The following WHR1 variants were observed in gnomAD, a reference collection of about 807,000 sequenced individuals.
WHR1 encodes the protein winged helix repair factor 1.
At chr6:31,980,479 G>C in the WHR1 span, 64 of 1,612,992 alleles carry the variant, frequency 4.0e-5, no homozygotes, top group Admixed American at 2.2e-4. Flanking sequence ...AGTCCTCACC[G>C]TCCGAGATGC....
chr6:31,977,484 G>T, the WHR1 span, among the ~76,000 whole-genome samples: 1 of 151,804 alleles, frequency 6.6e-6, no homozygotes, highest in Non-Finnish European at 1.5e-5. Context: ...TGGGACTACA[G>T]GTGCCCGCCA....
chr6:31,975,201 C>CTTTTTT, the WHR1 span, among the ~76,000 whole-genome samples: 1 of 136,926 alleles, frequency 7.3e-6, no homozygotes, highest in East Asian at 2.1e-4. Context: ...TTAGTTTTCC[C>CTTTTTT]TTTTTTTTTT....
At chr6:31,978,649 T>C in the WHR1 span, among the ~76,000 whole-genome samples, 3 of 152,226 alleles carry the variant, frequency 2.0e-5, no homozygotes, top group Non-Finnish European at 4.4e-5. Flanking sequence ...CTATTTTATC[T>C]TAGTGCCTGG....
At chr6:31,979,393 G>GTC in the WHR1 span, 3 of 1,612,608 alleles carry the variant, frequency 1.9e-6, no homozygotes, top group African/African-American at 4.0e-5. Context: ...GATGGACCAT[G>GTC]TCTCTCATCT....
the WHR1 span, chr6:31,972,461 G>C: frequency 1.9e-6 from 3 of 1,613,042 alleles, no homozygotes; most frequent in Non-Finnish European, 2.5e-6. This position sits in a 1 kb window ranked among gnomAD's most constrained non-coding sequence, Gnocchi z 6.3. Flanking sequence ...GGAGTTAAGA[G>C]GCGGCGGAAG....
chr6:31,976,656 G>C, the WHR1 span, among the ~76,000 whole-genome samples: 1 of 152,368 alleles, frequency 6.6e-6, no homozygotes, highest in South Asian at 2.1e-4. Context: ...GCCGGGCAGA[G>C]GCTGCACTCT....
chr6:31,971,540 G>A, the WHR1 span: 1 of 1,614,188 alleles, frequency 6.2e-7, no homozygotes, highest in Non-Finnish European at 8.5e-7. The surrounding 1 kb of genome is among the most constrained non-coding windows in gnomAD (Gnocchi z 4.5). Flanking sequence ...AGTTCCGAAG[G>A]GCGCCGGTAG....
chr6:31,980,239 G>A, the WHR1 span: 29 of 517,330 alleles, frequency 5.6e-5, no homozygotes, highest in Admixed American at 5.3e-4. Flanking sequence ...GTGGAGGGAG[G>A]GCAGTCCAGG....
the WHR1 span, chr6:31,979,318 C>T: frequency 2.0e-6 from 3 of 1,531,898 alleles, no homozygotes; most frequent in East Asian, 2.3e-5. Flanking sequence ...AGGATCTGAG[C>T]AAGAGGTAAG....
chr6:31,977,848 C>T, the WHR1 span, among the ~76,000 whole-genome samples: 1 of 151,964 alleles, frequency 6.6e-6, no homozygotes, highest in Admixed American at 6.6e-5. Flanking sequence ...GGCTGGAGCG[C>T]AGTGGCATGA....
the WHR1 span, chr6:31,979,729 G>T: frequency 1.3e-6 from 1 of 786,514 alleles, no homozygotes; most frequent in Non-Finnish European, 1.9e-6. Context: ...AAGAGAGGAG[G>T]CCTATCTTAC....
At chr6:31,975,749 C>A in the WHR1 span, among the ~76,000 whole-genome samples, 1 of 152,038 alleles carries the variant, frequency 6.6e-6, no homozygotes, top group African/African-American at 2.4e-5. Flanking sequence ...TTCTAGTCCA[C>A]AAAACCACCA....
At chr6:31,975,145 C>G in the WHR1 span, among the ~76,000 whole-genome samples, 5 of 151,782 alleles carry the variant, frequency 3.3e-5, no homozygotes, top group African/African-American at 1.2e-4. Context: ...CAAAATGTCT[C>G]TGATCAGAAT....
the WHR1 span, chr6:31,971,501 G>C: frequency 1.2e-6 from 2 of 1,614,182 alleles, no homozygotes; most frequent in Middle Eastern, 3.3e-4. The surrounding 1 kb of genome is among the most constrained non-coding windows in gnomAD (Gnocchi z 4.5). Flanking sequence ...CCATGGTACT[G>C]GCGTTGAGCA....
chr6:31,980,340 C>A, the WHR1 span: 1 of 1,002,902 alleles, frequency 1.0e-6, no homozygotes, highest in Non-Finnish European at 1.5e-6. Flanking sequence ...TCCAGTCTCT[C>A]TTGCATGGTT....
chr6:31,978,705 G>C, the WHR1 span, among the ~76,000 whole-genome samples: 4 of 152,186 alleles, frequency 2.6e-5, no homozygotes, highest in African/African-American at 4.8e-5. Flanking sequence ...TATAAGGCAG[G>C]TGGATGAGAA....
chr6:31,978,986 C>G, the WHR1 span: 2 of 1,612,172 alleles, frequency 1.2e-6, no homozygotes, highest in Non-Finnish European at 1.7e-6. Context: ...TCACTGAGGA[C>G]TACAGGACCA....
the WHR1 span, chr6:31,972,453 A>G: frequency 6.2e-7 from 1 of 1,612,934 alleles, no homozygotes; most frequent in South Asian, 1.1e-5. This position sits in a 1 kb window ranked among gnomAD's most constrained non-coding sequence, Gnocchi z 6.3. Flanking sequence ...AGACCTTTGG[A>G]GTTAAGAGGC....
At chr6:31,973,347 G>A in the WHR1 span, 1 of 237,236 alleles carries the variant, frequency 4.2e-6, no homozygotes, top group African/African-American at 2.2e-5. Context: ...AAGTTGAGTT[G>A]ATGGTGCATG....
Sources: allele counts gnomAD v4.1 joint callset (sites outside exome capture counted in the v4.1 genomes callset), GRCh38; gene constraint gnomAD v4.1.1; non-coding constraint Gnocchi (gnomAD v3.1); transcripts MANE v1.5; gene names NCBI Gene and HGNC (gene_info 2026-07-23, HGNC 2026-07-21).